NARS2: variants seen among roughly 807,000 people sequenced by gnomAD.
NARS2 encodes the protein asparaginyl-tRNA synthetase 2, mitochondrial.
Under a neutral mutation model 62.9 loss-of-function variants are expected in NARS2, and 60 were observed. The ratio of observed to expected loss-of-function variants is 0.95; its 90% CI spans 0.77 to 1.18. The LOEUF (loss-of-function observed/expected upper bound fraction) is 1.18. Among genes scored for constraint, NARS2 ranks in the 50% most tolerant of loss-of-function variants. The probability of loss-of-function intolerance (pLI) is 0.00; values close to 1 mark genes in which losing one functional copy is unlikely to be tolerated. For missense variants in NARS2, 619 were observed against 576.4 expected, an observed-to-expected ratio of 1.07 and a Z score of -0.76; for synonymous variants, 196 against 200.0, an observed-to-expected ratio of 0.98 and a Z score of 0.17.
At chr11:78,544,519 C>T (rs565889796) in intron 5 of NARS2, among the ~76,000 whole-genome samples, 7 of 152,286 alleles carry the variant, frequency 4.6e-5, no homozygotes, top group East Asian at 3.9e-4. Context: ...ACCGGCTGAG[C>T]GCAGTAGCTC....
At chr11:78,450,339 T>C (rs868726015) in intron 11 of NARS2, among the ~76,000 whole-genome samples, 4 of 152,316 alleles carry the variant, frequency 2.6e-5, no homozygotes, top group South Asian at 2.1e-4. Flanking sequence ...TTTCACGGGA[T>C]AAAAATTTTA....
At chr11:78,536,044 C>G (rs1855325137) in intron 5 of NARS2, among the ~76,000 whole-genome samples, 1 of 152,154 alleles carries the variant, frequency 6.6e-6, no homozygotes, top group Admixed American at 6.5e-5. Context: ...AAAATATAGT[C>G]ATGTACTACA....
intron 11 of NARS2, among the ~76,000 whole-genome samples, chr11:78,462,959 C>T (rs966163595): frequency 2.6e-5 from 4 of 152,184 alleles, no homozygotes; most frequent in African/African-American, 9.7e-5. Flanking sequence ...TCAATATAAT[C>T]TGTCTCATAG....
intron 6 of NARS2, among the ~76,000 whole-genome samples, chr11:78,497,362 A>T (rs1860104849): frequency 6.6e-6 from 1 of 151,706 alleles, no homozygotes; most frequent in Non-Finnish European, 1.5e-5. Flanking sequence ...CTGGCCATTT[A>T]TTCTTTCTGG....
In NARS2 at chr11:78,547,278, A is replaced by AG. The variant is rs201875767; in HGVS notation, c.594+12260dup. 5.1e-4 allele frequency among the ~76,000 whole-genome samples: 77 copies of AG among 152,328 alleles called. 2 individuals carry two copies. In the East Asian group the frequency reaches 0.014, roughly 27 times the overall value. On this transcript the variant is annotated intron_variant, in intron 5 of 13. Transcript: ENST00000281038. ...ACTTGAGGTAAAAGAAGAAAAAAAA[A>AG]GAACTCAGAAACTGTTCATTTCTTG...
intron 5 of NARS2, among the ~76,000 whole-genome samples, chr11:78,553,620 T>C (rs1298553845): frequency 6.6e-6 from 1 of 152,156 alleles, no homozygotes; most frequent in African/African-American, 2.4e-5. Flanking sequence ...GTTGTTTTTC[T>C]CTTCTAAGTA....
intron 9 of NARS2, among the ~76,000 whole-genome samples, chr11:78,473,551 T>C (rs1858964060): frequency 6.6e-6 from 1 of 152,212 alleles, no homozygotes; most frequent in Admixed American, 6.5e-5. Flanking sequence ...ACTCCAGCAT[T>C]ATCACCAACT....
chr11:78,521,953 G>A (rs1408353208), intron 6 of NARS2, among the ~76,000 whole-genome samples: 2 of 152,018 alleles, frequency 1.3e-5, no homozygotes, highest in African/African-American at 4.8e-5. Context: ...ATCAGAACAT[G>A]AATGCAAAGA....
At chr11:78,546,449 T>C (rs1445647287) in intron 5 of NARS2, 1 of 152,232 alleles carries the variant, frequency 6.6e-6, no homozygotes, top group Non-Finnish European at 1.5e-5. Flanking sequence ...CATAGTGCAC[T>C]AGGCAGCTAT....
chr11:78,523,330 G>T (rs1861193572), intron 6 of NARS2, among the ~76,000 whole-genome samples: 1 of 152,164 alleles, frequency 6.6e-6, no homozygotes, highest in African/African-American at 2.4e-5. Flanking sequence ...GCATTTGCAA[G>T]GATGTGGAGA....
chr11:78,458,162 G>A (rs1264715476), intron 11 of NARS2, among the ~76,000 whole-genome samples: 1 of 152,042 alleles, frequency 6.6e-6, no homozygotes, highest in African/African-American at 2.4e-5. Flanking sequence ...TGTTTGAGGT[G>A]ACGAATATGC....
At chr11:78,547,589 G>T (rs757210746) in intron 5 of NARS2, among the ~76,000 whole-genome samples, 4 of 152,126 alleles carry the variant, frequency 2.6e-5, no homozygotes, top group Non-Finnish European at 5.9e-5. Flanking sequence ...TGTAATCCCA[G>T]CATTTTGGGA....
chr11:78,574,609 T>C lies in NARS2; in HGVS notation c.-121A>G. 9.0e-7 allele frequency: 1 copy of C among 1,115,492 alleles called. No individual in the cohort carries two copies. Among genetic ancestry groups the C allele is most frequent in the Non-Finnish European group, 1.2e-6 (1 of 807,116 alleles). The allele number at this position is 1,115,492 out of a possible 1,614,324, so 69.1% of individuals were successfully genotyped here. ...CGGCCGCAGCTCTGCTCTAAGGCAC[T>C]CCAGAGCCCCTCGGCTGCGCGCTTT... On this transcript the variant is annotated 5_prime_UTR_variant, in exon 1 of 14. Coordinates refer to ENST00000281038, the MANE Select transcript of NARS2 (RefSeq NM_024678.6).
intron 6 of NARS2, among the ~76,000 whole-genome samples, chr11:78,493,417 T>C (rs1336547660): frequency 2.0e-5 from 3 of 152,178 alleles, no homozygotes; most frequent in Non-Finnish European, 4.4e-5. Flanking sequence ...TCTGTAATCC[T>C]AGCACTTCCT....
chr11:78,501,038 G>A (rs1327690570), intron 6 of NARS2, among the ~76,000 whole-genome samples: 3 of 152,172 alleles, frequency 2.0e-5, no homozygotes, highest in African/African-American at 7.2e-5. Flanking sequence ...GCTGCAGTGA[G>A]CTGTGATAAT....
In NARS2 at chr11:78,446,348, A is replaced by G. The variant is rs939162729; in HGVS notation, c.1165-2590T>C. Among the ~76,000 whole-genome samples the G allele has an allele frequency of 3.9e-5, 6 of 152,228 alleles. No individual in the cohort carries two copies. The East Asian group carries it at 9.6e-4, about 24-fold the overall frequency. On this transcript the variant is annotated intron_variant, in intron 11 of 13. Coordinates refer to ENST00000281038, the MANE Select transcript of NARS2 (RefSeq NM_024678.6). ...GACCCTCATCACTAGGCTGAATCAG[A>G]GTGAGCAAGAACAGCTACACAATTA...
rs140268205 is a variant in NARS2 at position 78,461,158 on chromosome 11, G to C, written c.1164+4718C>G. ...AGGATACTGAGGGACGAATGTATAT[G>C]AGTCTAGAGCTCAGAGAAGAAGTCT... On this transcript the variant is annotated intron_variant, in intron 11 of 13. Transcript: ENST00000281038. Among the ~76,000 whole-genome samples the C allele has an allele frequency of 3.2e-3, 486 of 152,290 alleles. 5 individuals carry two copies. Among genetic ancestry groups the C allele is most frequent in the Non-Finnish European group, 2.5e-3 (167 of 68,030 alleles).
At chr11:78,490,213 GTCACT>G (rs1458302172) in intron 7 of NARS2, among the ~76,000 whole-genome samples, 2 of 152,164 alleles carry the variant, frequency 1.3e-5, no homozygotes, top group African/African-American at 4.8e-5. Flanking sequence ...AGGGAGTAAC[GTCACT>G]GAAGCTACCT....
intron 9 of NARS2, among the ~76,000 whole-genome samples, chr11:78,475,463 T>A (rs78621865): frequency 0.012 from 1,856 of 152,234 alleles, 29 homozygotes; most frequent in African/African-American, 0.043. Context: ...TACTTTTGGT[T>A]TTTTGAGAAA....
Sources: gnomAD v4.1 joint callset for allele counts (sites outside exome capture counted in the v4.1 genomes callset) on GRCh38, gnomAD v4.1.1 for gene constraint, MANE v1.5 for transcripts, NCBI Gene and HGNC (gene_info 2026-07-23, HGNC 2026-07-21) for gene names.